ATRNL1: variants seen among roughly 807,000 people sequenced by gnomAD.
ATRNL1 encodes the protein attractin-like protein 1.
Under a neutral mutation model 182.7 loss-of-function variants are expected in ATRNL1, and 95 were observed. The ratio of observed to expected loss-of-function variants is 0.52; its 90% CI spans 0.44 to 0.62. ATRNL1 has a LOEUF of 0.62. ATRNL1 is among the 20% of genes least tolerant of loss of function. The pLI, the probability that ATRNL1 is intolerant of heterozygous loss-of-function variation, is 0.00. For missense variants in ATRNL1, 1,471 were observed against 1,679.5 expected (o/e 0.88, Z 2.17); for synonymous variants, 576 against 568.3 (o/e 1.01, Z -0.19).
At chr10:115,480,539 AATTTT>A (rs1848719655) in intron 24 of ATRNL1, among the ~76,000 whole-genome samples, 1 of 151,112 alleles carries the variant, frequency 6.6e-6, no homozygotes, top group African/African-American at 2.4e-5. Flanking sequence ...AGAAATTGTT[AATTTT>A]ATCAGTTAAA....
chr10:115,551,322 A>G (rs782163026), intron 26 of ATRNL1, among the ~76,000 whole-genome samples: 1 of 151,630 alleles, frequency 6.6e-6, no homozygotes, highest in Non-Finnish European at 1.5e-5. Context: ...AGTTGATACT[A>G]CTTCAATTTT....
intron 19 of ATRNL1, among the ~76,000 whole-genome samples, chr10:115,339,326 T>C (rs1230596767): frequency 2.6e-5 from 4 of 152,184 alleles, no homozygotes; most frequent in African/African-American, 4.8e-5. Context: ...TTTAACAATA[T>C]TGATTCTTCC....
chr10:115,402,931 T>TCC, intron 20 of ATRNL1, among the ~76,000 whole-genome samples: 2 of 152,168 alleles, frequency 1.3e-5, no homozygotes, highest in Non-Finnish European at 2.9e-5. Flanking sequence ...TTACTAATAG[T>TCC]AAATTGTGAA....
intron 28 of ATRNL1, among the ~76,000 whole-genome samples, chr10:115,942,291 C>G (rs1953754333): frequency 6.6e-6 from 1 of 152,210 alleles, no homozygotes; most frequent in African/African-American, 2.4e-5. Flanking sequence ...GAACTTATGT[C>G]TGCTGGCCGT....
intron 20 of ATRNL1, among the ~76,000 whole-genome samples, chr10:115,408,842 TCATCTTTGTTCTTGG>T (rs1222166175): frequency 1.3e-5 from 2 of 152,164 alleles, no homozygotes; most frequent in African/African-American, 4.8e-5. Context: ...TTTCTCCAAG[TCATCTTTGTTCTTGG>T]CATCTTTGTC....
At chr10:115,610,619 A>G (rs1857106173) in intron 26 of ATRNL1, among the ~76,000 whole-genome samples, 1 of 151,890 alleles carries the variant, frequency 6.6e-6, no homozygotes. Flanking sequence ...ATGTCTTTTG[A>G]GCCCAATTTT....
chr10:115,370,445 G>T (rs529254854), intron 19 of ATRNL1, among the ~76,000 whole-genome samples: 122 of 152,318 alleles, frequency 8.0e-4, no homozygotes, highest in African/African-American at 2.6e-3. Context: ...ATAATGATAT[G>T]GACAATGAAA....
intron 26 of ATRNL1, among the ~76,000 whole-genome samples, chr10:115,551,811 GT>G (rs1853007658): frequency 6.6e-6 from 1 of 151,288 alleles, no homozygotes. Context: ...TATTACAATT[GT>G]CCCCCCTTAT....
chr10:115,365,349 G>T (rs1373330617), intron 19 of ATRNL1, among the ~76,000 whole-genome samples: 1 of 150,740 alleles, frequency 6.6e-6, no homozygotes, highest in East Asian at 1.9e-4. Flanking sequence ...TTGTATTTCT[G>T]TGGGATCGGT....
chr10:115,433,809 T>C (rs1302798319), intron 21 of ATRNL1, among the ~76,000 whole-genome samples: 1 of 152,096 alleles, frequency 6.6e-6, no homozygotes, highest in Non-Finnish European at 1.5e-5. Context: ...ACAATAAAAG[T>C]GTTACATTAT....
At chr10:115,758,031 A>C (rs1948635647) in intron 27 of ATRNL1, among the ~76,000 whole-genome samples, 1 of 151,674 alleles carries the variant, frequency 6.6e-6, no homozygotes, top group African/African-American at 2.4e-5. Context: ...GTTCTTCTCT[A>C]AGCTGGTTAT....
At chr10:115,910,455 C>A (rs2134520627) in intron 28 of ATRNL1, among the ~76,000 whole-genome samples, 1 of 152,246 alleles carries the variant, frequency 6.6e-6, no homozygotes, top group Non-Finnish European at 1.5e-5. Flanking sequence ...GACCACTATA[C>A]ATGCTGCTCC....
chr10:115,769,564 C>T (rs1345859491), intron 27 of ATRNL1, among the ~76,000 whole-genome samples: 1 of 152,090 alleles, frequency 6.6e-6, no homozygotes, highest in Non-Finnish European at 1.5e-5. Context: ...ACATAGCGCT[C>T]AGTACATTGT....
At chr10:115,902,489 G>A (rs1952385250) in intron 28 of ATRNL1, among the ~76,000 whole-genome samples, 1 of 152,040 alleles carries the variant, frequency 6.6e-6, no homozygotes, top group Admixed American at 6.5e-5. Flanking sequence ...TTCTCCCCTT[G>A]ATACACCAGA....
intron 1 of ATRNL1, among the ~76,000 whole-genome samples, chr10:115,119,367 A>G (rs1554870888): frequency 6.6e-6 from 1 of 151,982 alleles, no homozygotes; most frequent in Non-Finnish European, 1.5e-5. Flanking sequence ...TGTTTATGTG[A>G]ATATGTAAAA....
At chr10:115,650,897 C>G (rs1184349734) in intron 26 of ATRNL1, among the ~76,000 whole-genome samples, 3 of 152,190 alleles carry the variant, frequency 2.0e-5, no homozygotes, top group Middle Eastern at 3.4e-3. Flanking sequence ...TAATCTCTCT[C>G]TGCAGGAGGC....
At position 115,301,798 on chromosome 10, in the gene ATRNL1, C is replaced by T. The variant is rs1853482735; in HGVS notation, c.2630-57C>T. On this transcript the variant is annotated intron_variant, in intron 16 of 28. Coordinates refer to ENST00000355044, the MANE Select transcript of ATRNL1 (RefSeq NM_207303.4). ...AACAGCAAAGCAAAGAAAACCCATA[C>T]AATTGTGTTAACATGAAGTTAAAAA... The T allele has an allele frequency of 2.1e-6, 3 of 1,420,128 alleles. No homozygotes were observed. The South Asian group carries it at 4.7e-5, about 22-fold the overall frequency. 88.0% of individuals were successfully genotyped at this position (1,420,128 alleles called of 1,614,324 possible). A position where few individuals can be genotyped will look rare whatever the true frequency, so the allele number is the denominator to read the frequency against.
At chr10:115,443,437 G>A (rs1846797623) in intron 21 of ATRNL1, among the ~76,000 whole-genome samples, 1 of 151,830 alleles carries the variant, frequency 6.6e-6, no homozygotes, top group South Asian at 2.1e-4. Flanking sequence ...TGTGATTAAT[G>A]ATGAGTTGAA....
At position 115,099,165 on chromosome 10, in the gene ATRNL1, A is replaced by G. The variant is rs188853963; in HGVS notation, c.293+5122A>G. Among the ~76,000 whole-genome samples the G allele has an allele frequency of 2.0e-5, 3 of 152,302 alleles. No homozygotes were observed. In the East Asian group the frequency reaches 5.8e-4, roughly 29 times the overall value. ...TATAGATTTGTTGGTATTTTCTAGA[A>G]CTTTTTGTAAATAGAATCATACATT... On this transcript the variant is annotated intron_variant, in intron 1 of 28. Transcript: ENST00000355044.
Sources: gnomAD v4.1 joint callset for allele counts (sites outside exome capture counted in the v4.1 genomes callset) on GRCh38, gnomAD v4.1.1 for gene constraint, MANE v1.5 for transcripts, NCBI Gene and HGNC (gene_info 2026-07-23, HGNC 2026-07-21) for gene names.